The following SUPT3H variants were observed in gnomAD, a reference collection of about 807,000 sequenced individuals.
SUPT3H encodes the protein transcription initiation protein SPT3 homolog.
SUPT3H carries 44 observed loss-of-function variants against 44.3 expected under a neutral mutation model. The ratio of observed to expected loss-of-function variants is 0.99; its 90% CI spans 0.78 to 1.28. The LOEUF (loss-of-function observed/expected upper bound fraction) is 1.28. Among genes scored for constraint, SUPT3H ranks in the 50% most tolerant of loss-of-function variants. The probability of loss-of-function intolerance (pLI) is 0.00; values close to 1 mark genes in which losing one functional copy is unlikely to be tolerated. For synonymous variants in SUPT3H, 124 were observed against 125.6 expected (o/e 0.99, Z 0.09); for missense variants, 380 against 387.1 (o/e 0.98, Z 0.15).
intron 3 of SUPT3H, among the ~76,000 whole-genome samples, chr6:45,028,369 T>C (rs895197400): frequency 6.6e-6 from 1 of 152,172 alleles, no homozygotes; most frequent in Non-Finnish European, 1.5e-5. Context: ...CAGAGGAACC[T>C]TCAATCCCAA....
At chr6:45,109,403 A>G (rs1799733031) in intron 2 of SUPT3H, among the ~76,000 whole-genome samples, 1 of 152,224 alleles carries the variant, frequency 6.6e-6, no homozygotes, top group Admixed American at 6.5e-5. Context: ...CCATAAAACT[A>G]CAAATTCAAT....
At chr6:44,996,436 G>GT in intron 6 of SUPT3H, among the ~76,000 whole-genome samples, 1 of 151,634 alleles carries the variant, frequency 6.6e-6, no homozygotes, top group Admixed American at 6.6e-5. Context: ...TAATTTTTGT[G>GT]TTTTTGAAAC....
intron 6 of SUPT3H, among the ~76,000 whole-genome samples, chr6:45,001,506 A>C (rs1042916603): frequency 3.3e-5 from 5 of 152,114 alleles, no homozygotes; most frequent in Admixed American, 6.6e-5. Context: ...ATTATGGATG[A>C]AACTAAAGCC....
intron 2 of SUPT3H, among the ~76,000 whole-genome samples, chr6:45,177,127 C>T (rs1015661786): frequency 1.2e-4 from 18 of 152,018 alleles, no homozygotes; most frequent in Admixed American, 7.2e-4. Context: ...CTCTGAGCTA[C>T]GGGCGGACAT....
rs551057889 is a variant in SUPT3H at position 45,264,524 on chromosome 6, G to C, written c.101+100677C>G. Among the ~76,000 whole-genome samples the C allele has an allele frequency of 1.8e-3, 279 of 152,256 alleles. 1 individual carries two copies. Among genetic ancestry groups the C allele is most frequent in the African/African-American group, 6.2e-3 (258 of 41,564 alleles). ...AGAGTACAAAAATTAGCCAGGCATG[G>C]TGGTGCACACCTGTAGTCATTAAGA... On this transcript the variant is annotated intron_variant, in intron 2 of 10. Transcript: ENST00000371459.
intron 11 of SUPT3H, among the ~76,000 whole-genome samples, chr6:44,816,629 C>T (rs927673679): frequency 3.3e-5 from 5 of 152,136 alleles, no homozygotes; most frequent in Admixed American, 3.3e-4. Flanking sequence ...AAGCAGCAGG[C>T]CCAAACTCAT....
At chr6:45,151,743 A>G (rs934041224) in intron 2 of SUPT3H, among the ~76,000 whole-genome samples, 1 of 152,170 alleles carries the variant, frequency 6.6e-6, no homozygotes, top group Admixed American at 6.6e-5. Context: ...ATTTATATCA[A>G]GTTTCTCTTT....
rs1364385777 is a variant in SUPT3H, at chr6:44,870,885, A to AC, written c.913-41029dup. 2.0e-5 allele frequency among the ~76,000 whole-genome samples: 3 copies of AC among 151,870 alleles called. No homozygotes were observed. In the East Asian group the frequency reaches 5.9e-4, roughly 30 times the overall value. ...CCTTTCCGAGTCAAAGAAAGGGGTG[A>AC]CGGATGCACCTGGAAAATCGGGTCA... On this transcript the variant is annotated intron_variant, in intron 10 of 10. Coordinates refer to ENST00000371459, the MANE Select transcript of SUPT3H (RefSeq NM_003599.4).
intron 2 of SUPT3H, among the ~76,000 whole-genome samples, chr6:45,294,716 C>G (rs1467124919): frequency 7.1e-5 from 7 of 98,840 alleles, no homozygotes; most frequent in Non-Finnish European, 1.5e-4. Flanking sequence ...AAGAATCAAC[C>G]CCTTTTACAA....
At chr6:45,070,574 T>A (rs1487726466) in intron 3 of SUPT3H, among the ~76,000 whole-genome samples, 1 of 151,394 alleles carries the variant, frequency 6.6e-6, no homozygotes, top group Admixed American at 6.6e-5. Flanking sequence ...ACCCCGTCTC[T>A]ACTAAAAATA....
chr6:45,070,739 CAAAA>C (rs11393241), intron 3 of SUPT3H, among the ~76,000 whole-genome samples: 2 of 102,846 alleles, frequency 1.9e-5, no homozygotes, highest in African/African-American at 3.8e-5. Context: ...CTGTCTCAAA[CAAAA>C]AAAAAAAAAA....
intron 2 of SUPT3H, chr6:45,321,704 TA>T: frequency 1.1e-6 from 1 of 918,306 alleles, no homozygotes; most frequent in Non-Finnish European, 1.7e-6. Context: ...GATCTTTCTC[TA>T]AACAATCTAT....
chr6:44,910,159 C>T (rs1011582405), intron 10 of SUPT3H, among the ~76,000 whole-genome samples: 2 of 152,070 alleles, frequency 1.3e-5, no homozygotes, highest in Non-Finnish European at 2.9e-5. Flanking sequence ...TCTGTAGAAC[C>T]TCCCTTCCCC....
Position 44,847,612 on chromosome 6 carries a change from T to C in SUPT3H, c.913-17755A>G, listed in dbSNP as rs376624933. On this transcript the variant is annotated intron_variant, in intron 10 of 10. Coordinates refer to ENST00000371459, the MANE Select transcript of SUPT3H (RefSeq NM_003599.4). ...AAGTGATTCTCCTGCCTCAGCCTTCTGAGTAGCTGGGACTACAGGCATGTG... is the reference window on the plus strand; with the variant it reads ...AAGTGATTCTCCTGCCTCAGCCTTCCGAGTAGCTGGGACTACAGGCATGTG... 3.3e-5 allele frequency among the ~76,000 whole-genome samples: 5 copies of C among 152,032 alleles called. No homozygotes were observed. In the East Asian group the frequency reaches 5.8e-4, roughly 18 times the overall value.
At chr6:45,342,575 T>A (rs1406730942) in intron 2 of SUPT3H, among the ~76,000 whole-genome samples, 1 of 152,140 alleles carries the variant, frequency 6.6e-6, no homozygotes, top group Non-Finnish European at 1.5e-5. Context: ...TCTCCATTTT[T>A]AAAAATAATA....
chr6:44,895,069 T>G (rs748861600), intron 10 of SUPT3H, among the ~76,000 whole-genome samples: 1 of 151,952 alleles, frequency 6.6e-6, no homozygotes, highest in African/African-American at 2.4e-5. Flanking sequence ...TACTTAAACA[T>G]TTTCTTTAAC....
At chr6:44,834,158 G>A (rs1769380788) in intron 10 of SUPT3H, among the ~76,000 whole-genome samples, 1 of 152,180 alleles carries the variant, frequency 6.6e-6, no homozygotes. Context: ...TGCATAGTGA[G>A]AGCTGAGAAC....
intron 10 of SUPT3H, among the ~76,000 whole-genome samples, chr6:44,847,839 TG>T (rs1389978201): frequency 1.3e-5 from 2 of 152,070 alleles, no homozygotes; most frequent in Non-Finnish European, 2.9e-5. Context: ...CTCTTGTCAC[TG>T]GTGAGATGTC....
At chr6:45,313,543 C>G (rs998076983) in intron 2 of SUPT3H, among the ~76,000 whole-genome samples, 11 of 151,104 alleles carry the variant, frequency 7.3e-5, no homozygotes, top group Non-Finnish European at 1.6e-4. Flanking sequence ...AAACCTAGAA[C>G]AGATGGATCA....
Sources: allele counts gnomAD v4.1 joint callset (sites outside exome capture counted in the v4.1 genomes callset), GRCh38; gene constraint gnomAD v4.1.1; transcripts MANE v1.5; gene names NCBI Gene and HGNC (gene_info 2026-07-23, HGNC 2026-07-21).